SLIT3: variants seen among roughly 807,000 people sequenced by gnomAD.
The protein encoded by SLIT3 is slit guidance ligand 3, also known as slit homolog 3 protein.
SLIT3 carries 68 observed loss-of-function variants against 184.0 expected under a neutral mutation model. The observed-to-expected ratio is 0.37, with a 90% CI of 0.30 to 0.45. The LOEUF (loss-of-function observed/expected upper bound fraction) is 0.45. Ranked by LOEUF, SLIT3 falls within the 20% of genes least tolerant of loss-of-function variation. The probability of loss-of-function intolerance (pLI) is 1.00; values close to 1 mark genes in which losing one functional copy is unlikely to be tolerated. For synonymous variants in SLIT3, 831 were observed against 828.6 expected, an observed-to-expected ratio of 1.00 and a Z score of -0.05; for missense variants, 1,707 against 2,026.0, an observed-to-expected ratio of 0.84 and a Z score of 3.02.
In SLIT3 at chr5:168,897,646, G is replaced by GCACACACACACACACACACACACACA; in HGVS notation, c.414-14311_414-14310insTGTGTGTGTGTGTGTGTGTGTGTGTG. On this transcript the variant is annotated intron_variant, in intron 4 of 35. Transcript: ENST00000519560. ...AGAAAGAGGATGGAGACAGGTGCAC[G>GCACACACACACACACACACACACACA]TACACACACACACACACACACACAC... is the stretch of plus-strand genomic sequence containing the variant. Among the ~76,000 whole-genome samples, 40 of 105,424 alleles carry GCACACACACACACACACACACACACA rather than the reference G, an allele frequency of 3.8e-4. 1 individual carries two copies. Among genetic ancestry groups the GCACACACACACACACACACACACACA allele is most frequent in the African/African-American group, 1.3e-3 (30 of 23,812 alleles). The allele number at this position is 105,424 out of a possible 152,430, so 69.2% of individuals were successfully genotyped here. A position where few individuals can be genotyped will look rare whatever the true frequency, so the allele number is the denominator to read the frequency against.
intron 1 of SLIT3, among the ~76,000 whole-genome samples, chr5:169,255,399 G>A (rs1417407931): frequency 6.6e-6 from 1 of 152,136 alleles, no homozygotes; most frequent in Non-Finnish European, 1.5e-5. Context: ...TGAGATGGAT[G>A]ATCCTGACCC....
At chr5:168,674,798 G>T (rs2113187924) in intron 32 of SLIT3, among the ~76,000 whole-genome samples, 1 of 152,192 alleles carries the variant, frequency 6.6e-6, no homozygotes, top group East Asian at 1.9e-4. Flanking sequence ...GGCTGGTTAT[G>T]GGATATTCAG....
intron 4 of SLIT3, among the ~76,000 whole-genome samples, chr5:169,114,883 G>A (rs1396107493): frequency 1.3e-5 from 2 of 152,188 alleles, no homozygotes; most frequent in Non-Finnish European, 2.9e-5. Context: ...GAACACGATG[G>A]CAATTTTCCA....
At chr5:169,186,326 G>A (rs116636295) in intron 4 of SLIT3, among the ~76,000 whole-genome samples, 2,770 of 152,278 alleles carry the variant, frequency 0.018, 41 homozygotes, top group Non-Finnish European at 0.027. Flanking sequence ...AGGCAGCAGG[G>A]AAGGTGGCTA....
At chr5:168,687,225 C>A in intron 29 of SLIT3, 109 bp from the exon 30 acceptor site, 1 of 1,291,622 alleles carries the variant, frequency 7.7e-7, no homozygotes, top group Non-Finnish European at 1.1e-6. Context: ...TTCTATCTAC[C>A]CAAGTTCCTT....
chr5:168,793,013 T>G (rs113456443), intron 10 of SLIT3, among the ~76,000 whole-genome samples: 2 of 152,238 alleles, frequency 1.3e-5, no homozygotes, highest in Non-Finnish European at 2.9e-5. Flanking sequence ...GAGTTTCATA[T>G]TTAGACTTGG....
At chr5:168,984,136 T>C (rs1446990813) in intron 4 of SLIT3, among the ~76,000 whole-genome samples, 1 of 152,034 alleles carries the variant, frequency 6.6e-6, no homozygotes, top group Non-Finnish European at 1.5e-5. Context: ...TGCAACAAAC[T>C]AGAATATTAC....
chr5:169,255,473 A>T (rs1184738446), intron 1 of SLIT3, among the ~76,000 whole-genome samples: 2 of 152,214 alleles, frequency 1.3e-5, no homozygotes, highest in Non-Finnish European at 2.9e-5. Flanking sequence ...TTTAAAAAGT[A>T]AAAAAAGTTT....
At chr5:169,175,538 G>A (rs189826425) in intron 4 of SLIT3, among the ~76,000 whole-genome samples, 2 of 152,288 alleles carry the variant, frequency 1.3e-5, no homozygotes, top group Admixed American at 1.3e-4. Flanking sequence ...AGGAGATTCT[G>A]AAGATTATGG....
At chr5:168,728,049 C>CTTCCATGCTGCTCA (rs1482305372) in intron 20 of SLIT3, among the ~76,000 whole-genome samples, 2 of 152,022 alleles carry the variant, frequency 1.3e-5, no homozygotes, top group Non-Finnish European at 2.9e-5. Flanking sequence ...GGCTTCCCAC[C>CTTCCATGCTGCTCA]TTCTATGCTG....
chr5:169,288,051 A>C (rs1460789789), intron 1 of SLIT3, among the ~76,000 whole-genome samples: 1 of 152,210 alleles, frequency 6.6e-6, no homozygotes, highest in Non-Finnish European at 1.5e-5. Context: ...CTGCTGAGTT[A>C]AACCTAAGAG....
chr5:169,075,023 G>A (rs1433819541), intron 4 of SLIT3, among the ~76,000 whole-genome samples: 2 of 152,136 alleles, frequency 1.3e-5, no homozygotes, highest in African/African-American at 4.8e-5. Flanking sequence ...CACATCTGGA[G>A]TAGTTTTACA....
intron 4 of SLIT3, among the ~76,000 whole-genome samples, chr5:168,917,887 C>G (rs1761494986): frequency 1.3e-5 from 2 of 152,176 alleles, no homozygotes; most frequent in South Asian, 4.1e-4. Context: ...TGACTTAAAA[C>G]AATCTGTGAA....
intron 1 of SLIT3, among the ~76,000 whole-genome samples, chr5:169,277,779 T>C (rs1023183873): frequency 6.6e-6 from 1 of 152,240 alleles, no homozygotes; most frequent in Non-Finnish European, 1.5e-5. Flanking sequence ...TAATTAAGAC[T>C]GGAATTGCCA....
chr5:168,839,868 CCT>C (rs372821816), intron 6 of SLIT3, among the ~76,000 whole-genome samples: 21 of 152,176 alleles, frequency 1.4e-4, no homozygotes, highest in African/African-American at 5.1e-4. Context: ...TCTAAGTTCC[CCT>C]GTTACCGCCA....
intron 5 of SLIT3, among the ~76,000 whole-genome samples, chr5:168,869,362 T>C (rs1759427779): frequency 2.0e-5 from 3 of 152,326 alleles, no homozygotes; most frequent in South Asian, 2.1e-4. Flanking sequence ...ATTTCACTTT[T>C]GTATGCCTCC....
intron 4 of SLIT3, among the ~76,000 whole-genome samples, chr5:169,123,317 G>T (rs1252492285): frequency 6.6e-6 from 1 of 152,056 alleles, no homozygotes; most frequent in Non-Finnish European, 1.5e-5. Flanking sequence ...ATGAAAAGTT[G>T]ATGGGGACAA....
At chr5:169,256,037 T>C (rs1329964985) in intron 1 of SLIT3, among the ~76,000 whole-genome samples, 5 of 152,200 alleles carry the variant, frequency 3.3e-5, no homozygotes, top group East Asian at 3.8e-4. Flanking sequence ...ACTCACTGAC[T>C]CTCCTGGAGC....
At chr5:169,189,654 C>T (rs193068441) in intron 4 of SLIT3, among the ~76,000 whole-genome samples, 1 of 148,890 alleles carries the variant, frequency 6.7e-6, no homozygotes, top group East Asian at 2.0e-4. Flanking sequence ...AGGCAGGGAA[C>T]TCCCAGTAGA....
Sources: gnomAD v4.1 joint callset for allele counts (sites outside exome capture counted in the v4.1 genomes callset) on GRCh38, gnomAD v4.1.1 for gene constraint, MANE v1.5 for transcripts, NCBI Gene and HGNC (gene_info 2026-07-23, HGNC 2026-07-21) for gene names.